Variants in NEDD4L observed in about 807,000 individuals in gnomAD.
The protein encoded by NEDD4L is E3 ubiquitin-protein ligase NEDD4-like.
Under a neutral mutation model 148.9 loss-of-function variants are expected in NEDD4L, and 54 were observed. That is an observed-to-expected ratio of 0.36 (90% confidence interval 0.29 to 0.45). The LOEUF (loss-of-function observed/expected upper bound fraction) is 0.45. Ranked by LOEUF, NEDD4L falls within the 20% of genes least tolerant of loss-of-function variation. The pLI is 1.00. For synonymous variants in NEDD4L, 433 were observed against 440.7 expected (o/e 0.98, Z 0.22); for missense variants, 856 against 1,233.8 (o/e 0.69, Z 4.59).
intron 5 of NEDD4L, among the ~76,000 whole-genome samples, chr18:58,268,962 C>T (rs2050636762): frequency 6.6e-6 from 1 of 152,024 alleles, no homozygotes; most frequent in South Asian, 2.1e-4. Flanking sequence ...TTCAGTGACT[C>T]AGAGCCTCCT....
At chr18:58,356,406 C>T (rs1269765300) in intron 18 of NEDD4L, among the ~76,000 whole-genome samples, 1 of 151,940 alleles carries the variant, frequency 6.6e-6, no homozygotes, top group Non-Finnish European at 1.5e-5. Context: ...CTCTCTCTCC[C>T]TCCACTCCAC....
intron 24 of NEDD4L, among the ~76,000 whole-genome samples, chr18:58,381,741 A>T (rs75294027): frequency 0.022 from 3,283 of 152,298 alleles, 118 homozygotes; most frequent in African/African-American, 0.075. Context: ...GTTTATTAAC[A>T]CATAGAACAA....
chr18:58,091,851 T>C (rs1458027216), intron 1 of NEDD4L, among the ~76,000 whole-genome samples: 2 of 152,230 alleles, frequency 1.3e-5, no homozygotes, highest in East Asian at 1.9e-4. Flanking sequence ...TGCCTGAGAC[T>C]GTGGAAGCTC....
rs148087538 is a variant in NEDD4L at position 58,313,845 on chromosome 18, A to G, written c.298-2137A>G. 4.8e-3 allele frequency among the ~76,000 whole-genome samples: 733 copies of G among 152,352 alleles called. 13 individuals carry two copies. The highest frequency in any genetic ancestry group is 0.017 in the African/African-American group (706 of 41,590). ...CTCCCTGGCAAAACAACACGGGCAT[A>G]TAGATATTTTGTGAAGTTTTGTTGA... On this transcript the variant is annotated intron_variant, in intron 5 of 30. Transcript: ENST00000400345.
intron 1 of NEDD4L, among the ~76,000 whole-genome samples, chr18:58,060,424 T>C (rs1218882997): frequency 6.6e-6 from 1 of 152,132 alleles, no homozygotes; most frequent in Non-Finnish European, 1.5e-5. Flanking sequence ...ATCTGGGCTT[T>C]TCTAAAGCTC....
chr18:58,273,620 A>G (rs536069332), intron 5 of NEDD4L, among the ~76,000 whole-genome samples: 2 of 152,172 alleles, frequency 1.3e-5, no homozygotes, highest in East Asian at 1.9e-4. Flanking sequence ...TTTGTTGTTC[A>G]TTTGTTGAAC....
At chr18:58,329,182 C>T (rs2059580327) in intron 10 of NEDD4L, 55 bp downstream of exon 10, 6 of 1,575,608 alleles carry the variant, frequency 3.8e-6, no homozygotes, top group Non-Finnish European at 5.2e-6. Context: ...CCCATGTTCT[C>T]CAGCTTGATT....
intron 5 of NEDD4L, among the ~76,000 whole-genome samples, chr18:58,253,809 T>G (rs1313979484): frequency 6.6e-6 from 1 of 152,202 alleles, no homozygotes; most frequent in Non-Finnish European, 1.5e-5. Flanking sequence ...GTAGTTGAGG[T>G]GATCTTGCCC....
At chr18:58,381,380 C>T (rs371374252) in intron 24 of NEDD4L, among the ~76,000 whole-genome samples, 3 of 152,250 alleles carry the variant, frequency 2.0e-5, no homozygotes, top group East Asian at 3.9e-4. Flanking sequence ...TGTCTGTGGC[C>T]GACCCGCTCA....
intron 2 of NEDD4L, among the ~76,000 whole-genome samples, chr18:58,174,565 G>A (rs1330543170): frequency 1.3e-5 from 2 of 152,140 alleles, no homozygotes; most frequent in Non-Finnish European, 2.9e-5. Flanking sequence ...GTGTCCTGGT[G>A]GCATCATCAA....
At position 58,381,538 on chromosome 18, in the gene NEDD4L, G is replaced by A. The variant is rs546008382; in HGVS notation, c.2353-1708G>A. ...TTGACCTCCTTCCCCTTCCCTGTGCGAGGGGAAAGGGTGGGAGGAAAGATT... is the reference window on the plus strand; with the variant it reads ...TTGACCTCCTTCCCCTTCCCTGTGCAAGGGGAAAGGGTGGGAGGAAAGATT... On this transcript the variant is annotated intron_variant, in intron 24 of 30. Coordinates refer to ENST00000400345, the MANE Select transcript of NEDD4L (RefSeq NM_001144967.3). 1.2e-4 allele frequency among the ~76,000 whole-genome samples: 19 copies of A among 152,314 alleles called. No homozygotes were observed. In the East Asian group the frequency reaches 3.5e-3, roughly 28 times the overall value.
At chr18:58,211,336 T>G (rs1275361629) in intron 2 of NEDD4L, among the ~76,000 whole-genome samples, 1 of 152,220 alleles carries the variant, frequency 6.6e-6, no homozygotes, top group Non-Finnish European at 1.5e-5. Context: ...GAAACAATTG[T>G]CAAGGAAGCT....
chr18:58,375,162 A>AGGCTTGCTGTGCCCC (rs1450140819), intron 24 of NEDD4L, among the ~76,000 whole-genome samples: 12 of 151,542 alleles, frequency 7.9e-5, no homozygotes, highest in Non-Finnish European at 1.6e-4. Context: ...CCCCGTGCCC[A>AGGCTTGCTGTGCCCC]GGCTTGCTGT....
intron 2 of NEDD4L, among the ~76,000 whole-genome samples, chr18:58,186,759 A>G (rs965354256): frequency 4.6e-5 from 7 of 152,308 alleles, no homozygotes; most frequent in Admixed American, 2.0e-4. Flanking sequence ...ATGCTTGCAT[A>G]GACTCTCTTC....
chr18:58,269,616 G>C (rs2050736107), intron 5 of NEDD4L, among the ~76,000 whole-genome samples: 1 of 152,060 alleles, frequency 6.6e-6, no homozygotes, highest in Non-Finnish European at 1.5e-5. Context: ...TAGATGTATT[G>C]CTTGGGAGAG....
intron 2 of NEDD4L, among the ~76,000 whole-genome samples, chr18:58,183,506 C>T (rs942976946): frequency 2.0e-5 from 3 of 152,226 alleles, no homozygotes; most frequent in Non-Finnish European, 4.4e-5. Flanking sequence ...TCAACCTGCC[C>T]TCTGGCTAGG....
chr18:58,081,458 A>G (rs930507488), intron 1 of NEDD4L, among the ~76,000 whole-genome samples: 4 of 151,286 alleles, frequency 2.6e-5, no homozygotes, highest in South Asian at 2.1e-4. Flanking sequence ...CTCCTGATCC[A>G]CCCGCCTTGG....
intron 22 of NEDD4L, among the ~76,000 whole-genome samples, chr18:58,370,069 T>C (rs561973787): frequency 1.5e-4 from 23 of 152,354 alleles, no homozygotes; most frequent in Admixed American, 1.4e-3. Flanking sequence ...TCCCCAGCCT[T>C]GTTCCTCTGC....
intron 1 of NEDD4L, among the ~76,000 whole-genome samples, chr18:58,063,039 C>CTTTTTTT (rs74183235): frequency 2.2e-5 from 2 of 91,152 alleles, no homozygotes; most frequent in African/African-American, 4.8e-5. Flanking sequence ...TTTATTTGTT[C>CTTTTTTT]TTTTTTTTTT....
Sources: allele counts gnomAD v4.1 joint callset (sites outside exome capture counted in the v4.1 genomes callset), GRCh38; gene constraint gnomAD v4.1.1; transcripts MANE v1.5; gene names NCBI Gene and HGNC (gene_info 2026-07-23, HGNC 2026-07-21).